Variants in GRM7 observed in about 807,000 individuals in gnomAD.
GRM7 encodes metabotropic glutamate receptor 7.
In GRM7, 35 loss-of-function variants were observed where a neutral mutation model predicts 84.5. That is an observed-to-expected ratio of 0.41 (90% CI 0.32 to 0.55). The LOEUF is 0.55. Among genes scored for constraint, GRM7 ranks in the 20% least tolerant of loss-of-function variants. The pLI, the probability that GRM7 is intolerant of heterozygous loss-of-function variation, is 0.19. For missense variants in GRM7, 1,003 were observed against 1,194.6 expected, an observed-to-expected ratio of 0.84 and a Z score of 2.36; for synonymous variants, 487 against 455.1, an observed-to-expected ratio of 1.07 and a Z score of -0.89.
At chr3:7,592,116 C>T (rs770322766) in intron 8 of GRM7, among the ~76,000 whole-genome samples, 24 of 152,014 alleles carry the variant, frequency 1.6e-4, no homozygotes, top group Non-Finnish European at 3.4e-4. Context: ...GTGTGTGTAG[C>T]TATATCCTAG....
intron 1 of GRM7, among the ~76,000 whole-genome samples, chr3:6,909,319 T>A (rs575977651): frequency 2.0e-5 from 3 of 152,164 alleles, no homozygotes; most frequent in African/African-American, 7.2e-5. Flanking sequence ...ACTGTCCAAC[T>A]CTTTGAAGAT....
At chr3:7,519,214 T>C (rs920352788) in intron 7 of GRM7, among the ~76,000 whole-genome samples, 5 of 152,166 alleles carry the variant, frequency 3.3e-5, no homozygotes, top group African/African-American at 1.2e-4. Flanking sequence ...CATACTTAGC[T>C]AGCCAGGTGT....
chr3:6,945,404 A>G (rs1280768038), intron 1 of GRM7, among the ~76,000 whole-genome samples: 2 of 152,072 alleles, frequency 1.3e-5, no homozygotes, highest in East Asian at 1.9e-4. Context: ...ATCATTTTTT[A>G]TGGCTGCATA....
intron 1 of GRM7, among the ~76,000 whole-genome samples, chr3:7,109,363 A>G (rs1692764556): frequency 6.6e-6 from 1 of 152,170 alleles, no homozygotes. Flanking sequence ...TGTTTCTATA[A>G]GACTATAGCT....
At chr3:7,305,695 T>C (rs988295666) in intron 3 of GRM7, among the ~76,000 whole-genome samples, 4 of 152,052 alleles carry the variant, frequency 2.6e-5, no homozygotes. Context: ...GAACTGGCCT[T>C]TGTCAGCTTA....
At chr3:7,677,287 A>AAAC in intron 8 of GRM7, among the ~76,000 whole-genome samples, 1 of 145,954 alleles carries the variant, frequency 6.9e-6, no homozygotes, top group African/African-American at 2.5e-5. Flanking sequence ...AAAAAAAAAA[A>AAAC]AAAAAAACTT....
rs566631036 is a variant in GRM7 at position 7,362,904 on chromosome 3, G to C, written c.1034-52119G>C. Among the ~76,000 whole-genome samples the C allele has an allele frequency of 8.5e-5, 13 of 152,156 alleles. No homozygotes were observed. The East Asian group carries it at 2.3e-3, about 27-fold the overall frequency. On this transcript the variant is annotated intron_variant, in intron 4 of 9. Transcript: ENST00000357716. ...GCAATTTGCGAGGCCAGGGTGGAAG[G>C]ATTGCTTGAAGCCAGAGTCTGGGCA...
intron 8 of GRM7, among the ~76,000 whole-genome samples, chr3:7,623,454 C>A (rs1697458442): frequency 6.6e-6 from 1 of 152,120 alleles, no homozygotes; most frequent in Admixed American, 6.5e-5. Flanking sequence ...ATCCCTCTAG[C>A]AAAATTTTCA....
intron 2 of GRM7, among the ~76,000 whole-genome samples, chr3:7,166,631 T>TG (rs138536344): frequency 0.28 from 42,453 of 152,012 alleles, 6,201 homozygotes; most frequent in Non-Finnish European, 0.33. Flanking sequence ...ATGCTCAGTC[T>TG]CTGTTGTAAC....
intron 5 of GRM7, among the ~76,000 whole-genome samples, chr3:7,421,229 G>A (rs138855269): frequency 7.3e-4 from 111 of 152,258 alleles, no homozygotes; most frequent in Non-Finnish European, 1.3e-3. Context: ...TTCAAGGGAA[G>A]CATAGCGCCA....
intron 4 of GRM7, among the ~76,000 whole-genome samples, chr3:7,409,744 G>A (rs1012678162): frequency 6.6e-6 from 1 of 152,060 alleles, no homozygotes; most frequent in Admixed American, 6.5e-5. Flanking sequence ...GGGACTACAG[G>A]CACATGCCAC....
chr3:7,597,205 A>G (rs1217855898), intron 8 of GRM7, among the ~76,000 whole-genome samples: 4 of 152,108 alleles, frequency 2.6e-5, no homozygotes, highest in Admixed American at 2.0e-4. Flanking sequence ...GGCATCTCAC[A>G]TGGCAGGAGG....
chr3:7,393,440 C>G (rs775194302), intron 4 of GRM7, among the ~76,000 whole-genome samples: 3 of 152,208 alleles, frequency 2.0e-5, no homozygotes, highest in Non-Finnish European at 2.9e-5. Context: ...ATGTTTCTCT[C>G]TCACTGTTTC....
chr3:7,043,285 T>C (rs1233650638), intron 1 of GRM7, among the ~76,000 whole-genome samples: 1 of 152,214 alleles, frequency 6.6e-6, no homozygotes, highest in Non-Finnish European at 1.5e-5. Flanking sequence ...CTTGGACTTC[T>C]CTTTGTGTAT....
At chr3:6,898,503 G>T (rs1696270619) in intron 1 of GRM7, among the ~76,000 whole-genome samples, 1 of 151,562 alleles carries the variant, frequency 6.6e-6, no homozygotes, top group South Asian at 2.1e-4. Context: ...TGGAAGTTAA[G>T]ATAAAGTCAA....
chr3:7,323,401 G>A (rs28578967), intron 4 of GRM7, among the ~76,000 whole-genome samples: 63,938 of 151,902 alleles, frequency 0.42, 13,512 homozygotes, highest in Middle Eastern at 0.49. Flanking sequence ...ACTGTAACTG[G>A]CATAGTAGGA....
At position 7,121,470 on chromosome 3, in the gene GRM7, A is replaced by G. The variant is rs553624737; in HGVS notation, c.520-24982A>G. On this transcript the variant is annotated intron_variant, in intron 1 of 9. Coordinates refer to ENST00000357716, the MANE Select transcript of GRM7 (RefSeq NM_000844.4). Reference sequence around the variant, plus strand: ...AATGTATAAATACATTATTGAAGTTATTATGAGTTATCTATGCTTCATTGA... The same window carrying G: ...AATGTATAAATACATTATTGAAGTTGTTATGAGTTATCTATGCTTCATTGA... Among the ~76,000 whole-genome samples, 3 of 152,306 alleles carry G rather than the reference A, an allele frequency of 2.0e-5. No homozygotes were observed. The South Asian group carries it at 6.2e-4, about 32-fold the overall frequency.
chr3:7,252,731 C>T (rs114701943), intron 2 of GRM7, among the ~76,000 whole-genome samples: 4,794 of 45,386 alleles, frequency 0.11, 161 homozygotes, highest in African/African-American at 0.17. Flanking sequence ...GCTGTGTTGC[C>T]CAGCTGGAGT....
intron 1 of GRM7, among the ~76,000 whole-genome samples, chr3:6,873,427 G>T (rs925260437): frequency 2.0e-5 from 3 of 152,134 alleles, no homozygotes; most frequent in Non-Finnish European, 4.4e-5. Flanking sequence ...TAAGAGTACA[G>T]GTGCTGAACA....
Sources: gnomAD v4.1 joint callset for allele counts (sites outside exome capture counted in the v4.1 genomes callset) on GRCh38, gnomAD v4.1.1 for gene constraint, MANE v1.5 for transcripts, NCBI Gene and HGNC (gene_info 2026-07-23, HGNC 2026-07-21) for gene names.